Variants in AFP observed in about 807,000 individuals in gnomAD.
AFP encodes alpha fetoprotein.
AFP carries 64 observed loss-of-function variants against 78.9 expected under a neutral mutation model. The observed-to-expected ratio is 0.81, with a 90% CI of 0.66 to 1.00. The LOEUF (loss-of-function observed/expected upper bound fraction) is 1.00, where lower values mean the gene tolerates loss of function less well. Among genes scored for constraint, AFP ranks in the 50% least tolerant of loss-of-function variants. The pLI is 0.00. For missense variants in AFP, 689 were observed against 703.8 expected, an observed-to-expected ratio of 0.98 and a Z score of 0.24; for synonymous variants, 254 against 243.8, an observed-to-expected ratio of 1.04 and a Z score of -0.39.
chr4:73,443,284 T>A lies in AFP; in HGVS notation c.616-63T>A, dbSNP rs1719722421. The A allele has an allele frequency of 2.4e-6, 3 of 1,261,936 alleles. No individual in the cohort carries two copies. In the Admixed American group the frequency reaches 5.1e-5, roughly 21 times the overall value. 78.2% of individuals were successfully genotyped at this position (1,261,936 alleles called of 1,614,324 possible). A position where few individuals can be genotyped will look rare whatever the true frequency, so the allele number is the denominator to read the frequency against. ...CCTATACTTGTTGTTTTTCTAAATA[T>A]TAGAGCTTGTAAAGAAAATGTTAGT... On this transcript the variant is annotated intron_variant, in intron 5 of 14. Transcript: ENST00000395792.
chr4:73,450,799 G>T, intron 11 of AFP, 46 bp downstream of exon 11: 2 of 1,612,598 alleles, frequency 1.2e-6, no homozygotes, highest in South Asian at 1.1e-5. Context: ...TGCCCTGTTT[G>T]ACTTGAAATA....
chr4:73,444,416 T>C (rs1254853421), intron 6 of AFP, among the ~76,000 whole-genome samples: 2 of 152,196 alleles, frequency 1.3e-5, no homozygotes, highest in African/African-American at 4.8e-5. Flanking sequence ...GCAATGGTTT[T>C]ACAAAGACAA....
Position 73,447,517 on chromosome 4 carries a change from CAG to C in AFP, c.901_902del (p.Glu301MetfsTer19). 1 of 1,612,274 alleles carries C rather than the reference CAG, an allele frequency of 6.2e-7. No homozygotes were observed. Among genetic ancestry groups the C allele is most frequent in the Non-Finnish European group, 8.5e-7 (1 of 1,179,490 alleles). On this transcript the variant is annotated frameshift_variant, in exon 8 of 15. Transcript: ENST00000395792. LOFTEE classifies it high-confidence loss of function. ...CAAGACACTCTGTCAAACAAAATAA[CAG>C]AATGCTGCAAACTGACCACGCTGGA...
intron 4 of AFP, 94 bp downstream of exon 4, chr4:73,440,907 G>C: frequency 8.7e-7 from 1 of 1,154,346 alleles, no homozygotes; most frequent in Non-Finnish European, 1.2e-6. Context: ...TGTACTCCCA[G>C]TAAGAGGTAT....
intron 14 of AFP, 40 bp downstream of exon 14, chr4:73,455,330 T>C (rs1431830652): frequency 6.8e-7 from 1 of 1,468,838 alleles, no homozygotes; most frequent in South Asian, 1.1e-5. Flanking sequence ...CAATGTTGTT[T>C]CTCCAGAAAT....
At chr4:73,443,916 A>G (rs1172385206) in intron 6 of AFP, among the ~76,000 whole-genome samples, 2 of 152,182 alleles carry the variant, frequency 1.3e-5, no homozygotes, top group African/African-American at 2.4e-5. Flanking sequence ...CCTTTGAGGC[A>G]ATAATATTAG....
In AFP at chr4:73,437,535, T is replaced by C. The variant is rs530958903; in HGVS notation, c.137+324T>C. On this transcript the variant is annotated intron_variant, in intron 2 of 14. Transcript: ENST00000395792. The stretch of plus-strand genomic sequence containing the variant: ...CATCAGTACCAACAGGGTGATATTA[T>C]AATGTTTTCTTTTCTGTATACTATT... 3.4e-4 allele frequency among the ~76,000 whole-genome samples: 52 copies of C among 152,176 alleles called. 1 individual carries two copies. In the South Asian group the frequency reaches 8.1e-3, roughly 24 times the overall value.
intron 11 of AFP, among the ~76,000 whole-genome samples, 199 bp from the exon 12 acceptor site, chr4:73,452,202 T>C (rs1012842596): frequency 6.6e-6 from 1 of 152,216 alleles, no homozygotes; most frequent in Non-Finnish European, 1.5e-5. Flanking sequence ...TACTACTTGC[T>C]AAGGCTTAGC....
chr4:73,455,588 ATTAGT>A (rs1169121267), intron 14 of AFP, 38 bp from the exon 15 acceptor site: 2 of 679,408 alleles, frequency 2.9e-6, no homozygotes, highest in African/African-American at 1.8e-5. Context: ...TACTGCACCT[ATTAGT>A]TTAATTAGTA....
intron 7 of AFP, among the ~76,000 whole-genome samples, chr4:73,445,521 T>G (rs1205205165): frequency 2.2e-4 from 33 of 152,228 alleles, no homozygotes; most frequent in Non-Finnish European, 1.5e-5. Flanking sequence ...TGACAGACAC[T>G]TGTTTTAAAA....
chr4:73,440,585 T>G lies in AFP; in HGVS notation c.271-17T>G. On this transcript the variant is annotated splice_polypyrimidine_tract_variant and intron_variant, in intron 3 of 14. Transcript: ENST00000395792. ...AAAGTTAGTTGTCTTTCTCCAAACA[T>G]AAAATATTTCTTATAGCTACCTGCC... 1 of 1,603,738 alleles carries G rather than the reference T, an allele frequency of 6.2e-7. No homozygotes were observed. Among genetic ancestry groups the G allele is most frequent in the Non-Finnish European group, 8.5e-7 (1 of 1,170,586 alleles).
chr4:73,444,751 G>T (rs1719767969), intron 6 of AFP, among the ~76,000 whole-genome samples: 1 of 152,134 alleles, frequency 6.6e-6, no homozygotes, highest in Non-Finnish European at 1.5e-5. Flanking sequence ...CTTAAGACAT[G>T]TTTTAGGAAA....
At chr4:73,445,316 A>C (rs915900114) in intron 7 of AFP, among the ~76,000 whole-genome samples, 194 bp downstream of exon 7, 4 of 152,164 alleles carry the variant, frequency 2.6e-5, no homozygotes, top group Non-Finnish European at 5.9e-5. Context: ...CACTTTAGCT[A>C]TACCCCTTTT....
intron 2 of AFP, among the ~76,000 whole-genome samples, chr4:73,437,823 A>T (rs933521397): frequency 6.6e-6 from 1 of 150,882 alleles, no homozygotes. Flanking sequence ...CTAATTACCA[A>T]TTTTTTTTTG....
intron 4 of AFP, among the ~76,000 whole-genome samples, 190 bp downstream of exon 4, chr4:73,441,003 C>T (rs1719645032): frequency 6.6e-6 from 1 of 152,066 alleles, no homozygotes; most frequent in Admixed American, 6.6e-5. Context: ...TTCCATAGCA[C>T]GCTAGATGTA....
chr4:73,441,862 G>C (rs1417565283), intron 4 of AFP, among the ~76,000 whole-genome samples: 1 of 152,116 alleles, frequency 6.6e-6, no homozygotes, highest in Non-Finnish European at 1.5e-5. Flanking sequence ...ATTGCCCTTA[G>C]AACATCTCTG....
intron 3 of AFP, among the ~76,000 whole-genome samples, chr4:73,439,784 C>T (rs1024735485): frequency 6.6e-6 from 1 of 151,846 alleles, no homozygotes; most frequent in African/African-American, 2.4e-5. Context: ...GTAATTGTGG[C>T]CAAGAAAAGT....
chr4:73,450,879 T>G, intron 11 of AFP, 126 bp downstream of exon 11: 3 of 1,493,232 alleles, frequency 2.0e-6, no homozygotes, highest in Non-Finnish European at 1.8e-6. Flanking sequence ...GCTTGTTTGA[T>G]TAGTCACGGT....
At chr4:73,441,493 T>C (rs983083774) in intron 4 of AFP, among the ~76,000 whole-genome samples, 2 of 134,616 alleles carry the variant, frequency 1.5e-5, no homozygotes, top group Non-Finnish European at 3.0e-5. Flanking sequence ...GCGTGAACCC[T>C]GGAGGCGGAG....
Sources: allele counts gnomAD v4.1 joint callset (sites outside exome capture counted in the v4.1 genomes callset), GRCh38; gene constraint gnomAD v4.1.1; transcripts MANE v1.5; gene names NCBI Gene and HGNC (gene_info 2026-07-23, HGNC 2026-07-21).